The following TGFBR3 variants were observed in gnomAD, a reference collection of about 807,000 sequenced individuals.
The protein encoded by TGFBR3 is transforming growth factor beta receptor type 3.
A neutral mutation model predicts 87.9 loss-of-function variants in TGFBR3; 46 were observed. The ratio of observed to expected loss-of-function variants is 0.52; its 90% CI spans 0.41 to 0.67. TGFBR3 has a LOEUF of 0.67. Ranked by LOEUF, TGFBR3 falls within the 30% of genes least tolerant of loss-of-function variation. The pLI is 0.00. For synonymous variants in TGFBR3, 381 were observed against 391.6 expected (o/e 0.97, Z 0.32); for missense variants, 866 against 1,041.9 (o/e 0.83, Z 2.32).
chr1:91,832,911 T>C (rs1330811490), intron 2 of TGFBR3, among the ~76,000 whole-genome samples: 1 of 150,970 alleles, frequency 6.6e-6, no homozygotes, highest in East Asian at 1.9e-4. Flanking sequence ...AGGAGACTGA[T>C]GCAGGAGAAT....
chr1:91,853,832 T>C (rs1571574786), intron 2 of TGFBR3, among the ~76,000 whole-genome samples: 1 of 152,126 alleles, frequency 6.6e-6, no homozygotes, highest in Non-Finnish European at 1.5e-5. Context: ...GCCAATATGG[T>C]GAAACCCCAT....
At chr1:91,885,205 G>C (rs1679246613) in intron 1 of TGFBR3, among the ~76,000 whole-genome samples, 4 of 152,218 alleles carry the variant, frequency 2.6e-5, no homozygotes, top group Admixed American at 6.5e-5. Flanking sequence ...ATTCATGCTT[G>C]ACACGTCGGC....
At chr1:91,882,010 G>C (rs907980096) in intron 1 of TGFBR3, among the ~76,000 whole-genome samples, 8 of 150,878 alleles carry the variant, frequency 5.3e-5, no homozygotes, top group African/African-American at 2.0e-4. Flanking sequence ...CTGCACTCCA[G>C]CCTGGACGAC....
At chr1:91,902,494 G>GCTGGTCTCAAA (rs1679747822) in intron 1 of TGFBR3, among the ~76,000 whole-genome samples, 2 of 151,978 alleles carry the variant, frequency 1.3e-5, no homozygotes, top group East Asian at 3.9e-4. Flanking sequence ...TTTTGCCCAG[G>GCTGGTCTCAAA]CTGGTCTCAA....
Position 91,794,068 on chromosome 1 carries a change from T to C in TGFBR3, c.246+3219A>G, listed in dbSNP as rs568037440. The stretch of plus-strand genomic sequence containing the variant: ...TAGCATGTCAGCAGGTCAAACGGTT[T>C]TTTTAAATAGTTTCATTGAGATACA... On this transcript the variant is annotated intron_variant, in intron 3 of 16. Coordinates refer to ENST00000212355, the MANE Select transcript of TGFBR3 (RefSeq NM_003243.5). Among the ~76,000 whole-genome samples the C allele has an allele frequency of 5.9e-5, 9 of 152,338 alleles. No individual in the cohort carries two copies. In the East Asian group the frequency reaches 1.7e-3, roughly 29 times the overall value.
chr1:91,803,930 T>C (rs1330358738), intron 2 of TGFBR3, among the ~76,000 whole-genome samples: 1 of 152,216 alleles, frequency 6.6e-6, no homozygotes, highest in Non-Finnish European at 1.5e-5. Flanking sequence ...TGGTTTCACA[T>C]CTACATGCTC....
At chr1:91,768,679 T>A (rs557640930) in intron 3 of TGFBR3, among the ~76,000 whole-genome samples, 2 of 152,196 alleles carry the variant, frequency 1.3e-5, no homozygotes, top group African/African-American at 4.8e-5. Flanking sequence ...GCTCCATCCA[T>A]GTAAGATGTG....
intron 2 of TGFBR3, among the ~76,000 whole-genome samples, chr1:91,853,263 A>C (rs1488142703): frequency 6.8e-6 from 1 of 146,258 alleles, no homozygotes; most frequent in Non-Finnish European, 1.5e-5. Context: ...GGTTGGCAAA[A>C]AAAAAAAAAA....
At position 91,789,645 on chromosome 1, in the gene TGFBR3, C is replaced by T. The variant is rs560918137; in HGVS notation, c.246+7642G>A. 2.9e-3 allele frequency among the ~76,000 whole-genome samples: 436 copies of T among 152,306 alleles called. 4 individuals are homozygous for T. The highest frequency in any genetic ancestry group is 3.4e-3 in the Middle Eastern group (1 of 294). On this transcript the variant is annotated intron_variant, in intron 3 of 16. Transcript: ENST00000212355. ...ATTACCTCTCTGATTTCTGCTTTCA[C>T]TTTTTCTAAAAGTCCAAGACTGCAT...
chr1:91,714,157 C>T (rs1416588110), intron 12 of TGFBR3, among the ~76,000 whole-genome samples: 5 of 151,962 alleles, frequency 3.3e-5, no homozygotes, highest in Admixed American at 6.6e-5. Context: ...CTCCTGCTCA[C>T]GTGCTGGGCA....
At chr1:91,708,590 G>T in intron 14 of TGFBR3, 73 bp downstream of exon 14, 1 of 1,608,444 alleles carries the variant, frequency 6.2e-7, no homozygotes, top group Non-Finnish European at 8.5e-7. Context: ...GCTGGACTTT[G>T]ATTTACACTA....
At chr1:91,729,415 A>G (rs1210943802) in intron 6 of TGFBR3, among the ~76,000 whole-genome samples, 1 of 152,190 alleles carries the variant, frequency 6.6e-6, no homozygotes, top group African/African-American at 2.4e-5. Context: ...TTATATTAAT[A>G]GGGCATATTT....
chr1:91,905,127 A>G (rs1191291720), intron 1 of TGFBR3, among the ~76,000 whole-genome samples: 2 of 152,224 alleles, frequency 1.3e-5, no homozygotes, highest in Non-Finnish European at 2.9e-5. Flanking sequence ...TGTAGCTATT[A>G]TTAGTACAGA....
At position 91,698,091 on chromosome 1, in the gene TGFBR3, G is replaced by T. The variant is rs772944696; in HGVS notation, c.2327C>A (p.Pro776Gln). The T allele has an allele frequency of 9.9e-6, 16 of 1,613,764 alleles. No individual in the cohort carries two copies. In the Admixed American group the frequency reaches 2.5e-4, roughly 25 times the overall value. ...PSMKEPNPIS[P>Q]PIFHGLDTLT... ...GAAATAGTTGCATAAAGACTTACGT[G>T]GAGAAATTGGATTTGGTTCCTTCAT... Residue 776 changes from proline to glutamine, a missense_variant and splice_region_variant, in exon 15 of 17, where the codon CCA becomes CAA. Transcript: ENST00000212355.
Position 91,861,564 on chromosome 1 carries a change from C to G in TGFBR3, c.-33G>C. On this transcript the variant is annotated 5_prime_UTR_variant, in exon 2 of 17. Coordinates refer to ENST00000212355, the MANE Select transcript of TGFBR3 (RefSeq NM_003243.5). ...TCTCCAACAGTGCGTCTCGTCCAGT[C>G]ACTTCAGCCTGCTCAGAGCACAGAC... 1 of 1,554,768 alleles carries G rather than the reference C, an allele frequency of 6.4e-7. No individual in the cohort carries two copies. Among genetic ancestry groups the G allele is most frequent in the Non-Finnish European group, 8.9e-7 (1 of 1,125,898 alleles).
At chr1:91,751,399 G>A (rs993197383) in intron 4 of TGFBR3, among the ~76,000 whole-genome samples, 4 of 152,164 alleles carry the variant, frequency 2.6e-5, no homozygotes, top group South Asian at 2.1e-4. Flanking sequence ...GGACATGCAC[G>A]GTGGTATGGG....
At chr1:91,814,664 C>T (rs548699712) in intron 2 of TGFBR3, among the ~76,000 whole-genome samples, 2 of 152,038 alleles carry the variant, frequency 1.3e-5, no homozygotes, top group South Asian at 4.2e-4. Context: ...TCAAACAGGC[C>T]GACACCTACT....
chr1:91,828,672 G>A (rs563528910), intron 2 of TGFBR3, among the ~76,000 whole-genome samples: 131 of 152,302 alleles, frequency 8.6e-4, no homozygotes, highest in African/African-American at 3.1e-3. Flanking sequence ...CACAGAAGCA[G>A]CAGCTGCTCA....
intron 15 of TGFBR3, among the ~76,000 whole-genome samples, chr1:91,697,651 G>A (rs1479285086): frequency 5.3e-5 from 8 of 152,278 alleles, no homozygotes; most frequent in South Asian, 2.1e-4. Flanking sequence ...CTTGCACTAC[G>A]GATTGTCTTG....
Sources: allele counts gnomAD v4.1 joint callset (sites outside exome capture counted in the v4.1 genomes callset), GRCh38; gene constraint gnomAD v4.1.1; transcripts MANE v1.5; gene names NCBI Gene and HGNC (gene_info 2026-07-23, HGNC 2026-07-21).